Variants in FBXL13 observed in about 807,000 individuals in gnomAD.
FBXL13 encodes F-box and leucine rich repeat protein 13, also known as F-box and leucine-rich repeat protein 13.
A neutral mutation model predicts 83.6 loss-of-function variants in FBXL13; 67 were observed. That is an observed-to-expected ratio of 0.80 (90% CI 0.66 to 0.98). The LOEUF is 0.98. Among genes scored for constraint, FBXL13 ranks in the 50% least tolerant of loss-of-function variants. The pLI is 0.00. For synonymous variants in FBXL13, 272 were observed against 299.5 expected (o/e 0.91, Z 0.95); for missense variants, 822 against 866.5 (o/e 0.95, Z 0.64).
chr7:102,938,372 G>C (rs1011354540), intron 8 of FBXL13, among the ~76,000 whole-genome samples: 1 of 152,120 alleles, frequency 6.6e-6, no homozygotes, highest in Non-Finnish European at 1.5e-5. Flanking sequence ...AATAAACAGG[G>C]CCATTTATGT....
chr7:103,051,387 C>T lies in FBXL13; in HGVS notation c.-1+4257G>A, dbSNP rs576510155. On this transcript the variant is annotated intron_variant, in intron 2 of 19. Transcript: ENST00000313221. ...CCAGCTGAGTTTCTGTCGTGACTTC[C>T]AAACCCTGTTTGGATCAGAAATTTG... is the stretch of plus-strand genomic sequence containing the variant. Among the ~76,000 whole-genome samples the T allele has an allele frequency of 4.6e-5, 7 of 152,300 alleles. No homozygotes were observed. In the South Asian group the frequency reaches 1.5e-3, roughly 32 times the overall value.
At chr7:103,029,030 T>G (rs1794232170) in intron 3 of FBXL13, among the ~76,000 whole-genome samples, 1 of 152,094 alleles carries the variant, frequency 6.6e-6, no homozygotes, top group African/African-American at 2.4e-5. Flanking sequence ...CACCTAATGA[T>G]GTCTTTTTTT....
intron 6 of FBXL13, among the ~76,000 whole-genome samples, chr7:103,001,400 G>A (rs894111321): frequency 3.3e-5 from 5 of 152,184 alleles, no homozygotes; most frequent in African/African-American, 1.2e-4. Context: ...GGAGAATTTA[G>A]TCCATTTATA....
At chr7:103,010,925 G>A (rs147794078) in intron 6 of FBXL13, among the ~76,000 whole-genome samples, 11 of 152,228 alleles carry the variant, frequency 7.2e-5, no homozygotes, top group African/African-American at 2.7e-4. Context: ...GTAATCGGAG[G>A]TGGGAGGTCC....
chr7:102,877,543 G>A (rs1809432518), exon 16 of FBXL13: 1 of 1,610,918 alleles, frequency 6.2e-7, no homozygotes, highest in Non-Finnish European at 8.5e-7. Context: ...AATTCCTTGG[G>A]CAGTCAAATG....
At chr7:103,033,118 T>C (rs921745681) in intron 2 of FBXL13, among the ~76,000 whole-genome samples, 2 of 152,220 alleles carry the variant, frequency 1.3e-5, no homozygotes, top group East Asian at 1.9e-4. Context: ...AAAGTCAATT[T>C]AAATATTTTT....
Position 102,893,940 on chromosome 7 carries a change from G to GAGAA in FBXL13, c.1009-9632_1009-9629dup, listed in dbSNP as rs757315918. 8.4e-4 allele frequency among the ~76,000 whole-genome samples: 104 copies of GAGAA among 124,392 alleles called. 1 individual carries two copies. Among genetic ancestry groups the GAGAA allele is most frequent in the East Asian group, 7.4e-4 (3 of 4,052 alleles). The allele number at this position is 124,392 out of a possible 152,430, so 81.6% of individuals were successfully genotyped here. A position where few individuals can be genotyped will look rare whatever the true frequency, so the allele number is the denominator to read the frequency against. ...AGAAAGAGAGAGAGAGACAGAGAAA[G>GAGAA]AGAAAGAAAGAAAGAAAGAAAGAGA... On this transcript the variant is annotated intron_variant, in intron 11 of 19. Transcript: ENST00000313221.
intron 16 of FBXL13, among the ~76,000 whole-genome samples, chr7:102,858,414 A>G (rs2129451943): frequency 6.6e-6 from 1 of 152,338 alleles, no homozygotes; most frequent in Middle Eastern, 3.4e-3. Flanking sequence ...GTATATTTTC[A>G]AGAAACTAGA....
chr7:103,047,608 G>A (rs1243425005), intron 2 of FBXL13, among the ~76,000 whole-genome samples: 2 of 152,132 alleles, frequency 1.3e-5, no homozygotes, highest in African/African-American at 4.8e-5. Context: ...GGTTATTTCT[G>A]TGATATACAA....
At chr7:102,881,436 C>CAAAAAA (rs34979881) in intron 14 of FBXL13, among the ~76,000 whole-genome samples, 7 of 61,382 alleles carry the variant, frequency 1.1e-4, no homozygotes, top group Non-Finnish European at 1.7e-4. Flanking sequence ...GACTCCATCT[C>CAAAAAA]AAAAAAAAAA....
At chr7:103,062,441 A>G (rs1485095439) in intron 1 of FBXL13, among the ~76,000 whole-genome samples, 1 of 152,160 alleles carries the variant, frequency 6.6e-6, no homozygotes, top group Non-Finnish European at 1.5e-5. Flanking sequence ...TTTGGGAAGG[A>G]GTATATCCAA....
chr7:103,030,891 G>A (rs1263478207), intron 2 of FBXL13, among the ~76,000 whole-genome samples: 1 of 151,766 alleles, frequency 6.6e-6, no homozygotes. Context: ...TTTTTTAAGA[G>A]TTTCTCTTCA....
At chr7:103,034,925 T>G (rs1191243336) in intron 2 of FBXL13, among the ~76,000 whole-genome samples, 1 of 152,250 alleles carries the variant, frequency 6.6e-6, no homozygotes, top group Non-Finnish European at 1.5e-5. Flanking sequence ...AATTAAAATT[T>G]TACTGAGAGG....
intron 6 of FBXL13, among the ~76,000 whole-genome samples, chr7:102,995,478 C>CAAAAAA (rs1158263069): frequency 1.4e-4 from 4 of 28,602 alleles, no homozygotes; most frequent in African/African-American, 4.9e-4. Flanking sequence ...GACTCCATCT[C>CAAAAAA]AAAAAAAAAA....
intron 16 of FBXL13, among the ~76,000 whole-genome samples, chr7:102,861,936 C>T (rs893328085): frequency 1.5e-4 from 23 of 148,672 alleles, no homozygotes; most frequent in African/African-American, 2.8e-4. Context: ...GAGCCAAGAT[C>T]GTGCCACTGC....
At chr7:102,917,725 T>C (rs536863804) in intron 10 of FBXL13, among the ~76,000 whole-genome samples, 3 of 152,292 alleles carry the variant, frequency 2.0e-5, no homozygotes, top group African/African-American at 7.2e-5. Flanking sequence ...ATAGGAAGAT[T>C]GTTCCAGGAT....
chr7:103,068,831 A>G (rs1403151524), intron 1 of FBXL13, among the ~76,000 whole-genome samples: 1 of 152,154 alleles, frequency 6.6e-6, no homozygotes, highest in East Asian at 1.9e-4. Flanking sequence ...TAGAACATCA[A>G]CTCCTACAAG....
At chr7:102,938,292 T>G (rs1820721809) in intron 8 of FBXL13, among the ~76,000 whole-genome samples, 2 of 152,228 alleles carry the variant, frequency 1.3e-5, no homozygotes, top group Non-Finnish European at 2.9e-5. Context: ...TAAATTACCC[T>G]TAGCTGCCTC....
intron 6 of FBXL13, among the ~76,000 whole-genome samples, chr7:102,983,028 G>A (rs1437731254): frequency 2.6e-5 from 4 of 151,946 alleles, no homozygotes; most frequent in Admixed American, 2.6e-4. Context: ...AACTCAAGTA[G>A]TTTTTTTTGG....
Sources: allele counts gnomAD v4.1 joint callset (sites outside exome capture counted in the v4.1 genomes callset), GRCh38; gene constraint gnomAD v4.1.1; transcripts MANE v1.5; gene names NCBI Gene and HGNC (gene_info 2026-07-23, HGNC 2026-07-21).